IQCM: variants seen among roughly 807,000 people sequenced by gnomAD.
The protein encoded by IQCM is IQ domain-containing protein M.
IQCM carries 45 observed loss-of-function variants against 57.6 expected under a neutral mutation model. The observed-to-expected ratio is 0.78, with a 90% CI of 0.62 to 1.00. IQCM has a LOEUF of 1.00. Ranked by LOEUF, IQCM falls within the 50% of genes least tolerant of loss-of-function variation. IQCM has a pLI of 0.00. For missense variants in IQCM, 468 were observed against 511.6 expected (o/e 0.91, Z 0.82); for synonymous variants, 148 against 158.9 (o/e 0.93, Z 0.51).
At chr4:149,405,790 ATTTTTCAACCC>A (rs1210302482) in intron 13 of IQCM, among the ~76,000 whole-genome samples, 1 of 147,384 alleles carries the variant, frequency 6.8e-6, no homozygotes, top group African/African-American at 2.5e-5. Flanking sequence ...CCATGTCAGT[ATTTTTCAACCC>A]TTTTTAAATT....
chr4:149,427,375 G>A lies in IQCM; in HGVS notation c.1390+6021C>T, dbSNP rs115821561. ...ACAAAGTTAAGCAGTATTGAGTGGTGGATTGTTGTAAATGTACAACTCACA... is the reference window on the plus strand; with the variant it reads ...ACAAAGTTAAGCAGTATTGAGTGGTAGATTGTTGTAAATGTACAACTCACA... On this transcript the variant is annotated intron_variant, in intron 13 of 13. Coordinates refer to ENST00000636793, the MANE Select transcript of IQCM (RefSeq NM_001363507.2). 4.8e-3 allele frequency among the ~76,000 whole-genome samples: 731 copies of A among 152,008 alleles called. 6 individuals carry two copies. Among genetic ancestry groups the A allele is most frequent in the African/African-American group, 0.017 (697 of 41,508 alleles).
chr4:149,576,948 T>G (rs111931084), intron 9 of IQCM, among the ~76,000 whole-genome samples: 244 of 152,120 alleles, frequency 1.6e-3, no homozygotes, highest in Non-Finnish European at 2.9e-3. Context: ...TGTGAGATGG[T>G]ATCTCATTGT....
rs1002457554 is a variant in IQCM at position 149,794,340 on chromosome 4, G to C, written c.-49+20971C>G. On this transcript the variant is annotated intron_variant, in intron 2 of 13. Coordinates refer to ENST00000636793, the MANE Select transcript of IQCM (RefSeq NM_001363507.2). ...TCTAAATAATTTGAATAATTTTTCT[G>C]TGAAGTGCTACACTCCAAAGAAAAC... Among the ~76,000 whole-genome samples, 5 of 152,214 alleles carry C rather than the reference G, an allele frequency of 3.3e-5. No homozygotes were observed. In the East Asian group the frequency reaches 9.6e-4, roughly 29 times the overall value.
intron 9 of IQCM, among the ~76,000 whole-genome samples, chr4:149,580,501 A>G (rs1752080373): frequency 6.6e-6 from 1 of 151,802 alleles, no homozygotes; most frequent in South Asian, 2.1e-4. Flanking sequence ...ATTTAATTTT[A>G]TAGCTATTTT....
At chr4:149,656,900 C>G (rs1055076567) in intron 7 of IQCM, among the ~76,000 whole-genome samples, 2 of 152,100 alleles carry the variant, frequency 1.3e-5, no homozygotes. Flanking sequence ...GCAAAGAGAA[C>G]AAAATCAGAA....
intron 9 of IQCM, among the ~76,000 whole-genome samples, chr4:149,577,628 T>C (rs1445459197): frequency 6.6e-6 from 1 of 152,010 alleles, no homozygotes; most frequent in East Asian, 1.9e-4. Flanking sequence ...TTTTGGTTAC[T>C]GTAGCCTTAT....
At chr4:149,584,439 C>T (rs1752479193) in intron 9 of IQCM, among the ~76,000 whole-genome samples, 2 of 151,524 alleles carry the variant, frequency 1.3e-5, no homozygotes, top group Admixed American at 6.6e-5. Context: ...GAAATGAATA[C>T]TTATATAGCA....
intron 5 of IQCM, among the ~76,000 whole-genome samples, chr4:149,714,721 A>G (rs1409404665): frequency 2.6e-5 from 4 of 152,248 alleles, no homozygotes; most frequent in Non-Finnish European, 4.4e-5. Context: ...ATATGCCAGC[A>G]TCGCTACTCT....
chr4:149,668,574 G>A (rs1760951974), intron 7 of IQCM, among the ~76,000 whole-genome samples: 1 of 151,980 alleles, frequency 6.6e-6, no homozygotes, highest in Non-Finnish European at 1.5e-5. Context: ...TGGGTTGATG[G>A]GTGCAGCAAA....
At chr4:149,804,011 G>T (rs921145321) in intron 2 of IQCM, among the ~76,000 whole-genome samples, 3 of 151,884 alleles carry the variant, frequency 2.0e-5, no homozygotes, top group African/African-American at 7.2e-5. Flanking sequence ...ATACAAGATG[G>T]CTGGAGGGGG....
intron 5 of IQCM, among the ~76,000 whole-genome samples, chr4:149,701,920 TC>T (rs1048942782): frequency 6.6e-6 from 1 of 151,932 alleles, no homozygotes; most frequent in Non-Finnish European, 1.5e-5. Flanking sequence ...TAGATAAGAT[TC>T]TATAATTAGA....
intron 12 of IQCM, among the ~76,000 whole-genome samples, chr4:149,436,815 A>T (rs1735408263): frequency 3.9e-5 from 6 of 152,032 alleles, no homozygotes; most frequent in Admixed American, 2.6e-4. Flanking sequence ...CCTTACCCCT[A>T]CCTCACCAGG....
chr4:149,506,401 A>C (rs900108373), intron 12 of IQCM, among the ~76,000 whole-genome samples: 1 of 152,204 alleles, frequency 6.6e-6, no homozygotes, highest in African/African-American at 2.4e-5. Flanking sequence ...ACATCAGAAT[A>C]AGGAGAGAAG....
intron 7 of IQCM, among the ~76,000 whole-genome samples, chr4:149,632,879 C>T (rs935822634): frequency 1.4e-4 from 22 of 152,078 alleles, no homozygotes; most frequent in Admixed American, 3.9e-4. Flanking sequence ...AAGCAAATAT[C>T]GGCCGGGCGC....
At chr4:149,693,839 G>A (rs532367604) in intron 5 of IQCM, among the ~76,000 whole-genome samples, 1 of 152,198 alleles carries the variant, frequency 6.6e-6, no homozygotes, top group South Asian at 2.1e-4. Context: ...ATTCTTAGGA[G>A]CAATGTCTTA....
intron 13 of IQCM, among the ~76,000 whole-genome samples, chr4:149,392,094 C>T (rs936314108): frequency 6.8e-6 from 1 of 146,126 alleles, no homozygotes; most frequent in African/African-American, 2.5e-5. Flanking sequence ...TATGATTGTT[C>T]AGTTGTCTAT....
At chr4:149,632,256 A>T (rs1282430879) in intron 7 of IQCM, among the ~76,000 whole-genome samples, 1 of 152,220 alleles carries the variant, frequency 6.6e-6, no homozygotes. Context: ...GGCTTTCCAG[A>T]ATTTTTATAA....
chr4:149,489,090 G>A (rs1480045651), intron 12 of IQCM, among the ~76,000 whole-genome samples: 1 of 152,098 alleles, frequency 6.6e-6, no homozygotes, highest in Non-Finnish European at 1.5e-5. Flanking sequence ...TCTATTTAGA[G>A]ACTGTGCTAT....
chr4:149,398,333 T>C (rs1267031943), intron 13 of IQCM, among the ~76,000 whole-genome samples: 1 of 152,058 alleles, frequency 6.6e-6, no homozygotes, highest in African/African-American at 2.4e-5. Context: ...TCAAGATTGA[T>C]TGTTTATTTG....
Sources: gnomAD v4.1 joint callset for allele counts (sites outside exome capture counted in the v4.1 genomes callset) on GRCh38, gnomAD v4.1.1 for gene constraint, MANE v1.5 for transcripts, NCBI Gene and HGNC (gene_info 2026-07-23, HGNC 2026-07-21) for gene names.